The following LRRC4C variants were observed in gnomAD, a reference collection of about 807,000 sequenced individuals.
The protein encoded by LRRC4C is leucine-rich repeat-containing protein 4C.
Under a neutral mutation model 33.6 loss-of-function variants are expected in LRRC4C, and 5 were observed. The ratio of observed to expected loss-of-function variants is 0.15; its 90% CI spans 0.08 to 0.31. The LOEUF (loss-of-function observed/expected upper bound fraction) is 0.31, where lower values mean the gene tolerates loss of function less well. Ranked by LOEUF, LRRC4C falls within the 10% of genes least tolerant of loss-of-function variation. LRRC4C has a pLI of 1.00. For missense variants in LRRC4C, 560 were observed against 796.7 expected, an observed-to-expected ratio of 0.70 and a Z score of 3.58; for synonymous variants, 329 against 302.0, an observed-to-expected ratio of 1.09 and a Z score of -0.93.
intron 1 of LRRC4C, among the ~76,000 whole-genome samples, chr11:41,052,829 C>T (rs1296867141): frequency 6.6e-6 from 1 of 152,146 alleles, no homozygotes; most frequent in African/African-American, 2.4e-5. Flanking sequence ...ATGATAATTA[C>T]ATTTGCTTTT....
chr11:40,476,057 T>C (rs544880270), intron 3 of LRRC4C, among the ~76,000 whole-genome samples: 1 of 152,254 alleles, frequency 6.6e-6, no homozygotes, highest in South Asian at 2.1e-4. Context: ...TCTCCAGACA[T>C]TGCAAAATGT....
intron 1 of LRRC4C, among the ~76,000 whole-genome samples, chr11:41,033,893 A>AGTGT (rs1856874115): frequency 2.0e-5 from 3 of 152,154 alleles, no homozygotes; most frequent in Non-Finnish European, 4.4e-5. Context: ...GAACACTGTA[A>AGTGT]ATGAGAAAAA....
intron 1 of LRRC4C, among the ~76,000 whole-genome samples, chr11:41,235,110 ATACTCAC>A (rs1006655515): frequency 2.0e-5 from 3 of 152,072 alleles, no homozygotes; most frequent in African/African-American, 7.2e-5. Context: ...TGGATCTGAA[ATACTCAC>A]TACTCCTTTT....
At chr11:41,387,430 G>A (rs1045002294) in intron 1 of LRRC4C, among the ~76,000 whole-genome samples, 2 of 151,682 alleles carry the variant, frequency 1.3e-5, no homozygotes, top group Non-Finnish European at 3.0e-5. Flanking sequence ...AACAGATTTG[G>A]TGTTGGCTTA....
At chr11:40,886,777 C>A (rs1026281017) in intron 2 of LRRC4C, among the ~76,000 whole-genome samples, 2 of 151,780 alleles carry the variant, frequency 1.3e-5, no homozygotes, top group African/African-American at 2.4e-5. Context: ...CAAAAGTCTA[C>A]ATAAATTAGC....
chr11:40,116,086 C>T lies in LRRC4C; in HGVS notation c.207G>A (p.Glu69=). ...TGTTGGTGGAGATGCCATCCGGAAC[C>T]TCACGCAGGTTTTTCCGAACACAAA... ...KVICVRKNLR[E]VPDGISTNTR... Residue 69 remains glutamate (E), a synonymous_variant, in exon 7 of 7, where the codon GAG becomes GAA. Transcript: ENST00000528697. 6.2e-7 allele frequency: 1 copy of T among 1,613,978 alleles called. No homozygotes were observed. Among genetic ancestry groups the T allele is most frequent in the Non-Finnish European group, 8.5e-7 (1 of 1,179,980 alleles).
chr11:41,024,139 T>C (rs1297418617), intron 1 of LRRC4C, among the ~76,000 whole-genome samples: 3 of 151,728 alleles, frequency 2.0e-5, no homozygotes, highest in African/African-American at 4.8e-5. Context: ...TAATTTCTTA[T>C]CTAAGTGTAG....
intron 1 of LRRC4C, among the ~76,000 whole-genome samples, chr11:41,169,079 T>C (rs1944856720): frequency 6.6e-6 from 1 of 152,192 alleles, no homozygotes; most frequent in South Asian, 2.1e-4. Flanking sequence ...TTTTAAGAGC[T>C]ACTATTCAAA....
intron 3 of LRRC4C, among the ~76,000 whole-genome samples, chr11:40,425,144 C>G (rs1950664393): frequency 6.6e-6 from 1 of 151,506 alleles, no homozygotes; most frequent in African/African-American, 2.4e-5. Flanking sequence ...AAAAAGAACC[C>G]TTATGGTGGG....
chr11:41,401,442 C>A (rs1333041651), intron 1 of LRRC4C, among the ~76,000 whole-genome samples: 1 of 149,748 alleles, frequency 6.7e-6, no homozygotes, highest in Non-Finnish European at 1.5e-5. Flanking sequence ...TGCATTTACT[C>A]TTCTGAATGT....
At chr11:40,753,160 T>A (rs78748688) in intron 2 of LRRC4C, among the ~76,000 whole-genome samples, 27 of 151,746 alleles carry the variant, frequency 1.8e-4, no homozygotes, top group Non-Finnish European at 3.5e-4. Context: ...GAGGGGGAAA[T>A]GGAGAGAGGT....
At chr11:40,837,666 C>G (rs1270877002) in intron 2 of LRRC4C, among the ~76,000 whole-genome samples, 1 of 103,070 alleles carries the variant, frequency 9.7e-6, no homozygotes, top group African/African-American at 3.4e-5. Context: ...ATATGGAGAC[C>G]CTGTCTCTTC....
At chr11:40,889,829 G>T (rs1027716602) in intron 2 of LRRC4C, among the ~76,000 whole-genome samples, 3 of 151,894 alleles carry the variant, frequency 2.0e-5, no homozygotes, top group Admixed American at 6.6e-5. Flanking sequence ...TGCAAAATAG[G>T]CATAATAATA....
chr11:40,252,780 T>C (rs1270154822), intron 4 of LRRC4C, among the ~76,000 whole-genome samples: 3 of 152,300 alleles, frequency 2.0e-5, no homozygotes, highest in Admixed American at 6.5e-5. Flanking sequence ...AATCCAAAGA[T>C]TTATGTAATC....
intron 1 of LRRC4C, among the ~76,000 whole-genome samples, chr11:41,064,686 A>G (rs1938075994): frequency 6.6e-6 from 1 of 152,216 alleles, no homozygotes; most frequent in Non-Finnish European, 1.5e-5. Context: ...AGACCAATGC[A>G]GAAGGCGGGT....
intron 2 of LRRC4C, among the ~76,000 whole-genome samples, chr11:40,677,658 A>C (rs2136308380): frequency 6.6e-6 from 1 of 152,324 alleles, no homozygotes; most frequent in African/African-American, 2.4e-5. Flanking sequence ...ATTTCTTAAT[A>C]ACGAAACTGC....
intron 2 of LRRC4C, among the ~76,000 whole-genome samples, chr11:40,836,021 A>G (rs12290088): frequency 0.15 from 22,744 of 152,208 alleles, 1,898 homozygotes; most frequent in African/African-American, 0.22. Context: ...GTGTGTCACA[A>G]CTTAATTCCA....
chr11:40,697,374 G>A (rs1006692542), intron 2 of LRRC4C, among the ~76,000 whole-genome samples: 1 of 151,926 alleles, frequency 6.6e-6, no homozygotes, highest in Non-Finnish European at 1.5e-5. Flanking sequence ...CTATTTTAAG[G>A]ATCCAAAAAA....
intron 3 of LRRC4C, among the ~76,000 whole-genome samples, chr11:40,590,287 G>C (rs1229383489): frequency 6.6e-6 from 1 of 151,018 alleles, no homozygotes; most frequent in African/African-American, 2.4e-5. Context: ...TGAGGCTTCT[G>C]CATTCTTCAC....
Sources: gnomAD v4.1 joint callset for allele counts (sites outside exome capture counted in the v4.1 genomes callset) on GRCh38, gnomAD v4.1.1 for gene constraint, MANE v1.5 for transcripts, NCBI Gene and HGNC (gene_info 2026-07-23, HGNC 2026-07-21) for gene names.